The following KCNQ2 variants were observed in gnomAD, a reference collection of about 807,000 sequenced individuals.
The protein encoded by KCNQ2 is potassium voltage-gated channel subfamily KQT member 2.
Under a neutral mutation model 84.8 loss-of-function variants are expected in KCNQ2, and 14 were observed. That is an observed-to-expected ratio of 0.17 (90% CI 0.11 to 0.26). The LOEUF (loss-of-function observed/expected upper bound fraction) is 0.26, where lower values mean the gene tolerates loss of function less well. KCNQ2 is among the 10% of genes least tolerant of loss of function. The pLI is 1.00. For missense variants in KCNQ2, 788 were observed against 1,254.0 expected (o/e 0.63, Z 5.61); for synonymous variants, 599 against 554.1 (o/e 1.08, Z -1.14).
intron 1 of KCNQ2, chr20:63,449,255 C>T (rs2081534174): frequency 6.6e-6 from 1 of 152,302 alleles, no homozygotes. Flanking sequence ...TAAGCCCATT[C>T]CTTACAACCC....
In KCNQ2 at chr20:63,428,542, C is replaced by T. The variant is rs1004767417; in HGVS notation, c.1149-107G>A. On this transcript the variant is annotated intron_variant, in intron 9 of 16. Coordinates refer to ENST00000359125, the MANE Select transcript of KCNQ2 (RefSeq NM_172107.4). ...GGGCAGGCGCCTGCAGTGTCAGACA[C>T]CCGGCGGCATGTGACGTGGCCAGGC... 4.6e-5 allele frequency: 45 copies of T among 968,990 alleles called. No individual in the cohort carries two copies. In the African/African-American group the frequency reaches 7.0e-4, roughly 15 times the overall value. 60.0% of individuals were successfully genotyped at this position (968,990 alleles called of 1,614,324 possible). A position where few individuals can be genotyped will look rare whatever the true frequency, so the allele number is the denominator to read the frequency against.
At chr20:63,428,250 C>A in intron 10 of KCNQ2, 117 bp downstream of exon 10, 2 of 764,780 alleles carry the variant, frequency 2.6e-6, no homozygotes, top group Non-Finnish European at 4.6e-6. Context: ...AGCGTCCCCG[C>A]GCGTCCCAGC....
At chr20:63,412,144 T>C (rs910973197) in intron 15 of KCNQ2, 10 of 468,254 alleles carry the variant, frequency 2.1e-5, no homozygotes, top group Non-Finnish European at 3.1e-5. Context: ...TCCCAGAGCG[T>C]GGAGTGCAGG....
intron 15 of KCNQ2, among the ~76,000 whole-genome samples, chr20:63,410,286 G>A (rs1464041232): frequency 1.3e-5 from 2 of 152,180 alleles, no homozygotes; most frequent in Non-Finnish European, 2.9e-5. Flanking sequence ...AGGAGCCCTG[G>A]CCACGGGCTC....
At position 63,444,851 on chromosome 20, in the gene KCNQ2, G is replaced by C; in HGVS notation, c.515-17C>G. The C allele has an allele frequency of 6.4e-7, 1 of 1,572,532 alleles. No homozygotes were observed. Among genetic ancestry groups the C allele is most frequent in the Non-Finnish European group, 8.7e-7 (1 of 1,154,504 alleles). On this transcript the variant is annotated splice_polypyrimidine_tract_variant and intron_variant, in intron 3 of 16. Transcript: ENST00000359125. Reference sequence around the variant, plus strand: ...CCATGATGTCTACAAAGCGGGCGTGGAGCTGGTGAGCTGCTGGGCCGCTCC... The same window carrying C: ...CCATGATGTCTACAAAGCGGGCGTGCAGCTGGTGAGCTGCTGGGCCGCTCC...
chr20:63,440,931 C>G (rs2081143700), intron 5 of KCNQ2, among the ~76,000 whole-genome samples: 1 of 151,450 alleles, frequency 6.6e-6, no homozygotes, highest in African/African-American at 2.4e-5. Context: ...CAGCCCTCTA[C>G]ACAATTTCGT....
chr20:63,443,181 A>C (rs1475892628), intron 4 of KCNQ2, among the ~76,000 whole-genome samples: 4 of 108,218 alleles, frequency 3.7e-5, no homozygotes, highest in Non-Finnish European at 7.6e-5. Context: ...CATCACCATC[A>C]CCATCACCAC....
intron 3 of KCNQ2, among the ~76,000 whole-genome samples, 200 bp from the exon 4 acceptor site, chr20:63,445,034 A>G (rs2081371477): frequency 6.6e-6 from 1 of 152,188 alleles, no homozygotes; most frequent in African/African-American, 2.4e-5. Context: ...TGGGCAGCCC[A>G]GCGCCACATT....
chr20:63,454,767 C>T (rs1284391521), intron 1 of KCNQ2, among the ~76,000 whole-genome samples: 1 of 152,258 alleles, frequency 6.6e-6, no homozygotes, highest in Admixed American at 6.5e-5. Flanking sequence ...TGGCATCCCC[C>T]AGGCCTCGGG....
rs6011815 is a variant in KCNQ2 at position 63,403,830 on chromosome 20, G to A, written c.*2814C>T. The A allele has an allele frequency of 1.3e-5, 2 of 152,260 alleles. No homozygotes were observed. The highest frequency in any genetic ancestry group is 4.8e-5 in the African/African-American group (2 of 41,458). The allele number at this position is 152,260 out of a possible 1,614,324, so 9.4% of individuals were successfully genotyped here. A position where few individuals can be genotyped will look rare whatever the true frequency, so the allele number is the denominator to read the frequency against. ...AAACACTGCGGGAGCTCTTTGCCAT[G>A]AGGTGGCACTGGTCCTTGGCCACGC... On this transcript the variant is annotated 3_prime_UTR_variant, in exon 17 of 17. Coordinates refer to ENST00000359125, the MANE Select transcript of KCNQ2 (RefSeq NM_172107.4).
chr20:63,457,899 G>C (rs559260480), intron 1 of KCNQ2, among the ~76,000 whole-genome samples: 1 of 152,296 alleles, frequency 6.6e-6, no homozygotes, highest in East Asian at 1.9e-4. Context: ...TCAGCTCCCC[G>C]GGCACTGCCT....
chr20:63,414,926 G>T lies in KCNQ2; in HGVS notation c.1502C>A (p.Ala501Asp). 1 of 1,612,732 alleles carries T rather than the reference G, an allele frequency of 6.2e-7. No homozygotes were observed. Among genetic ancestry groups the T allele is most frequent in the South Asian group, 1.1e-5 (1 of 91,050 alleles). Residue 501 changes from alanine (A) to aspartate (D), a missense_variant, in exon 13 of 17, where the codon GCC (alanine) becomes GAC (aspartate). By Grantham distance (126) the Ala-to-Asp change is moderately radical. Transcript: ENST00000359125. This position sits in a 1 kb window ranked among gnomAD's most constrained non-coding sequence, Gnocchi z 6.6. Reference sequence around the variant, plus strand: ...ACCTTCTGAGTTCTGCCGTGACGCGGCACCCTTGATGCGGAAAGCCTGGCG... The same window carrying T: ...ACCTTCTGAGTTCTGCCGTGACGCGTCACCCTTGATGCGGAAAGCCTGGCG... Reference protein sequence around the residue: ...RARQAFRIKGAASRQNSEEAS... With the variant: ...RARQAFRIKGDASRQNSEEAS...
At chr20:63,427,916 C>T (rs1414869174) in intron 10 of KCNQ2, among the ~76,000 whole-genome samples, 2 of 152,182 alleles carry the variant, frequency 1.3e-5, no homozygotes, top group Non-Finnish European at 2.9e-5. Flanking sequence ...TCGCCTTCCA[C>T]CTCTCCTGCT....
chr20:63,468,301 A>G (rs1394962501), intron 1 of KCNQ2, among the ~76,000 whole-genome samples: 2 of 152,150 alleles, frequency 1.3e-5, no homozygotes, highest in South Asian at 2.1e-4. Flanking sequence ...CTCGGCACAC[A>G]ATGCTCCGTC....
intron 1 of KCNQ2, among the ~76,000 whole-genome samples, chr20:63,468,109 A>G (rs924063381): frequency 6.6e-6 from 1 of 152,242 alleles, no homozygotes; most frequent in Non-Finnish European, 1.5e-5. Flanking sequence ...GGTGAGGGGC[A>G]GAAATCCTGC....
rs2080211901 is a variant in KCNQ2, at chr20:63,414,141, C to T, written c.1578G>A (p.Glu526=). The T allele has an allele frequency of 1.9e-6, 3 of 1,613,658 alleles. No homozygotes were observed. The highest frequency in any genetic ancestry group is 2.2e-5 in the South Asian group (2 of 91,086). ...DIVDDKSCPC[E]FVTEDLTPGL... ...CCGGGGTCAGGTCCTCGGTCACAAA[C>T]TCGCAGGGGCAGCTCTTGTCATCCA... Residue 526 remains glutamate, a synonymous_variant, in exon 14 of 17, where the codon GAG becomes GAA. Transcript: ENST00000359125. The surrounding 1 kb of genome is among the most constrained non-coding windows in gnomAD (Gnocchi z 6.6).
At chr20:63,430,683 T>C (rs1261339280) in intron 9 of KCNQ2, among the ~76,000 whole-genome samples, 1 of 152,210 alleles carries the variant, frequency 6.6e-6, no homozygotes, top group East Asian at 1.9e-4. Flanking sequence ...AACAGCCTTG[T>C]TTCCTGCTCT....
chr20:63,466,619 G>A (rs1202427523), intron 1 of KCNQ2: 1 of 152,256 alleles, frequency 6.6e-6, no homozygotes, highest in Non-Finnish European at 1.5e-5. Flanking sequence ...CGTGTGGAGT[G>A]ACTCACACGT....
chr20:63,443,328 T>C (rs796567546), intron 4 of KCNQ2, among the ~76,000 whole-genome samples: 46 of 7,250 alleles, frequency 6.3e-3, no homozygotes, highest in African/African-American at 7.5e-3. Flanking sequence ...ACCACCACCA[T>C]CACCATCACC....
Sources: gnomAD v4.1 joint callset for allele counts (sites outside exome capture counted in the v4.1 genomes callset) on GRCh38, gnomAD v4.1.1 for gene constraint, Gnocchi (gnomAD v3.1) non-coding constraint, MANE v1.5 for transcripts, NCBI Gene and HGNC (gene_info 2026-07-23, HGNC 2026-07-21) for gene names.